Variants in HCN1 observed in about 807,000 individuals in gnomAD.
HCN1 encodes potassium/sodium hyperpolarization-activated cyclic nucleotide-gated channel 1.
Under a neutral mutation model 78.9 loss-of-function variants are expected in HCN1, and 13 were observed. The observed-to-expected ratio is 0.16, with a 90% CI of 0.11 to 0.26. The LOEUF is 0.26. Among genes scored for constraint, HCN1 ranks in the 10% least tolerant of loss-of-function variants. The pLI, the probability that HCN1 is intolerant of heterozygous loss-of-function variation, is 1.00. For missense variants in HCN1, 810 were observed against 1,154.3 expected (o/e 0.70, Z 4.32); for synonymous variants, 552 against 455.5 (o/e 1.21, Z -2.70).
chr5:45,263,431 T>C (rs1744790618), intron 7 of HCN1, among the ~76,000 whole-genome samples: 2 of 152,160 alleles, frequency 1.3e-5, no homozygotes, highest in Non-Finnish European at 2.9e-5. Context: ...ACATCCTTGC[T>C]ATGGAAAATG....
intron 6 of HCN1, among the ~76,000 whole-genome samples, chr5:45,289,642 CA>C (rs1171810524): frequency 2.0e-5 from 3 of 152,024 alleles, no homozygotes; most frequent in East Asian, 3.9e-4. Context: ...TAGTGAGACT[CA>C]AAAGTCAAAT....
At chr5:45,584,339 C>G (rs1744153176) in intron 2 of HCN1, among the ~76,000 whole-genome samples, 1 of 152,144 alleles carries the variant, frequency 6.6e-6, no homozygotes, top group Admixed American at 6.5e-5. Context: ...TTATCACAGA[C>G]TAGGATTGCA....
chr5:45,376,347 TATAGAGAG>T (rs1453928902), intron 4 of HCN1, among the ~76,000 whole-genome samples: 3 of 97,278 alleles, frequency 3.1e-5, no homozygotes, highest in Admixed American at 1.3e-4. Context: ...ATTATATATA[TATAGAGAG>T]AGAGAGAGAG....
intron 4 of HCN1, among the ~76,000 whole-genome samples, chr5:45,384,850 GT>G (rs1747881917): frequency 6.6e-6 from 1 of 152,126 alleles, no homozygotes; most frequent in Admixed American, 6.5e-5. Flanking sequence ...CTAGTTAGAG[GT>G]ATAAATGTGG....
At chr5:45,521,135 A>G (rs1711947371) in intron 2 of HCN1, among the ~76,000 whole-genome samples, 1 of 151,950 alleles carries the variant, frequency 6.6e-6, no homozygotes, top group Non-Finnish European at 1.5e-5. Flanking sequence ...AGAGAGGTTC[A>G]GGAATCCAAA....
chr5:45,645,329 G>A lies in HCN1; in HGVS notation c.705C>T (p.Ile235=), dbSNP rs1362012622. The A allele has an allele frequency of 1.9e-6, 3 of 1,613,440 alleles. No homozygotes were observed. The highest frequency in any genetic ancestry group is 2.5e-6 in the Non-Finnish European group (3 of 1,179,786). The change falls in exon 2 of 8, where the codon ATC becomes ATT. Residue 235 remains isoleucine, a synonymous_variant. Coordinates refer to ENST00000303230, the MANE Select transcript of HCN1 (RefSeq NM_021072.4). ...CCATTCCTTTTTCTACAATAAGAAA[G>A]ATATAATCCACTGGGATGGATGAGA... The part of the protein sequence containing the change: ...DFISSIPVDY[I]FLIVEKGMDS...
chr5:45,320,751 T>C (rs185925527), intron 5 of HCN1, among the ~76,000 whole-genome samples: 109 of 152,038 alleles, frequency 7.2e-4, no homozygotes, highest in Middle Eastern at 3.4e-3. Flanking sequence ...AAGACAGACA[T>C]GGACATTTGT....
At chr5:45,267,847 C>A (rs1744891948) in intron 6 of HCN1, among the ~76,000 whole-genome samples, 1 of 152,068 alleles carries the variant, frequency 6.6e-6, no homozygotes, top group Non-Finnish European at 1.5e-5. Context: ...TATACCTTAT[C>A]CTTCCCACTC....
chr5:45,342,306 T>A (rs1204760297), intron 5 of HCN1, among the ~76,000 whole-genome samples: 1 of 151,704 alleles, frequency 6.6e-6, no homozygotes, highest in East Asian at 1.9e-4. Flanking sequence ...CTCAACTCAC[T>A]GCAACCTCTG....
intron 4 of HCN1, among the ~76,000 whole-genome samples, chr5:45,373,482 C>G (rs1344318524): frequency 7.2e-6 from 1 of 138,120 alleles, no homozygotes; most frequent in African/African-American, 2.6e-5. Flanking sequence ...CATCATCTAT[C>G]ATATACAATA....
chr5:45,294,201 G>A (rs970807216), intron 6 of HCN1, among the ~76,000 whole-genome samples: 1 of 151,954 alleles, frequency 6.6e-6, no homozygotes, highest in African/African-American at 2.4e-5. Flanking sequence ...TAGAGTTAAC[G>A]AATAGTCACG....
chr5:45,286,450 A>G lies in HCN1; in HGVS notation c.1618+17149T>C, dbSNP rs10060119. Among the ~76,000 whole-genome samples the G allele has an allele frequency of 5.5e-3, 839 of 152,116 alleles. 7 individuals carry two copies. The highest frequency in any genetic ancestry group is 0.018 in the African/African-American group (757 of 41,556). On this transcript the variant is annotated intron_variant, in intron 6 of 7. Coordinates refer to ENST00000303230, the MANE Select transcript of HCN1 (RefSeq NM_021072.4). ...AACTTTTAACATATTTCAAATCTTT[A>G]CAATAAGAGGATAAATGTGTACTGA...
rs759920350 is a variant in HCN1, at chr5:45,262,157, C to T, written c.2437G>A (p.Ala813Thr). Residue 813 changes from alanine to threonine, a missense_variant, in exon 8 of 8, where the codon GCC (alanine) becomes ACC (threonine). This residue lies in a region of HCN1 where 398 missense variants were observed against 381.3 expected (regional missense o/e 1.04). Coordinates refer to ENST00000303230, the MANE Select transcript of HCN1 (RefSeq NM_021072.4). ...RPHPTVGESL[A>T]SIPQPVTAVP... is the part of the protein sequence containing the mutation. ...GCCGTCACGGGTTGAGGGATGGAGG[C>T]CAGGGACTCGCCCACAGTGGGATGA... is the stretch of plus-strand genomic sequence containing the variant. The T allele has an allele frequency of 6.2e-7, 1 of 1,613,700 alleles. No individual in the cohort carries two copies. Among genetic ancestry groups the T allele is most frequent in the Non-Finnish European group, 8.5e-7 (1 of 1,179,960 alleles).
intron 2 of HCN1, among the ~76,000 whole-genome samples, chr5:45,604,039 G>C (rs1036940515): frequency 6.6e-6 from 1 of 151,942 alleles, no homozygotes; most frequent in Non-Finnish European, 1.5e-5. Context: ...TACAAGAAAT[G>C]AGCCCTAAAA....
chr5:45,693,505 T>C (rs2112105787), intron 1 of HCN1, among the ~76,000 whole-genome samples: 1 of 152,276 alleles, frequency 6.6e-6, no homozygotes, highest in Non-Finnish European at 1.5e-5. Flanking sequence ...ATTTAGAGTA[T>C]TAGCTCAGTT....
rs1377374499 is a variant in HCN1, at chr5:45,300,354, C to T, written c.1618+3245G>A. Among the ~76,000 whole-genome samples the T allele has an allele frequency of 2.6e-5, 4 of 152,078 alleles. No homozygotes were observed. The East Asian group carries it at 7.8e-4, about 30-fold the overall frequency. On this transcript the variant is annotated intron_variant, in intron 6 of 7. Transcript: ENST00000303230. ...TAGGTGGATTTTCTTCTGCCTCTGC[C>T]ACCCAAGATAGTAAAAGTAACCCCT... is the stretch of plus-strand genomic sequence containing the variant.
At chr5:45,323,094 C>A (rs1371065288) in intron 5 of HCN1, among the ~76,000 whole-genome samples, 3 of 151,772 alleles carry the variant, frequency 2.0e-5, no homozygotes, top group African/African-American at 7.3e-5. Context: ...TGCTTGAAGA[C>A]ACTTGGACAG....
intron 2 of HCN1, among the ~76,000 whole-genome samples, chr5:45,585,590 G>A (rs1210360146): frequency 6.6e-6 from 1 of 152,178 alleles, no homozygotes; most frequent in Non-Finnish European, 1.5e-5. Context: ...CTTTGGAGGA[G>A]GAGAGGCACT....
intron 7 of HCN1, 141 bp from the exon 8 acceptor site, chr5:45,262,951 C>A (rs1237512677): frequency 2.5e-6 from 2 of 811,296 alleles, no homozygotes; most frequent in Non-Finnish European, 4.0e-6. Context: ...CCTTTACACA[C>A]CAAATACCAA....
Sources: allele counts gnomAD v4.1 joint callset (sites outside exome capture counted in the v4.1 genomes callset), GRCh38; gene constraint gnomAD v4.1.1; regional missense constraint gnomAD v4.1.1; transcripts MANE v1.5; gene names NCBI Gene and HGNC (gene_info 2026-07-23, HGNC 2026-07-21).